KIF15: variants seen among roughly 807,000 people sequenced by gnomAD.
KIF15 encodes the protein kinesin-like protein KIF15.
In KIF15, 140 loss-of-function variants were observed where a neutral mutation model predicts 190.6. The ratio of observed to expected loss-of-function variants is 0.73; its 90% CI spans 0.64 to 0.84. KIF15 has a LOEUF of 0.84. Among genes scored for constraint, KIF15 ranks in the 40% least tolerant of loss-of-function variants. The pLI is 0.00. For synonymous variants in KIF15, 528 were observed against 551.3 expected (o/e 0.96, Z 0.59); for missense variants, 1,372 against 1,584.4 (o/e 0.87, Z 2.28).
chr3:44,840,186 A>T (rs1298830713), intron 27 of KIF15, among the ~76,000 whole-genome samples, 169 bp from the exon 28 acceptor site: 1 of 152,198 alleles, frequency 6.6e-6, no homozygotes, highest in Non-Finnish European at 1.5e-5. Flanking sequence ...CCAACACTTA[A>T]CTTTCATCTT....
At chr3:44,857,429 A>C (rs1018809001), downstream of KIF15, among the ~76,000 whole-genome samples, 1 of 152,216 alleles carries the variant, frequency 6.6e-6, no homozygotes, top group African/African-American at 2.4e-5. Flanking sequence ...AGTAAGGTCA[A>C]GTTGTTTGGA....
At chr3:44,840,878 T>C (rs1430069643) in intron 28 of KIF15, among the ~76,000 whole-genome samples, 196 bp from the exon 29 acceptor site, 1 of 152,052 alleles carries the variant, frequency 6.6e-6, no homozygotes, top group Non-Finnish European at 1.5e-5. Flanking sequence ...TTCACTGTGT[T>C]GCCTAGGCTG....
downstream of KIF15, chr3:44,853,321 A>G (rs1699126867): frequency 6.6e-6 from 1 of 152,236 alleles, no homozygotes; most frequent in South Asian, 2.1e-4. Context: ...CACCTGCAAT[A>G]TGCCAGGCAC....
rs1182846113 is a variant in KIF15 at position 44,831,003 on chromosome 3, TTC to T, written c.3158_3159del (p.Ser1053Ter). ...AAGAAACCCTTAGGCTGAGAATACT[TTC>T]TGAGGACATAGAGGTAGGTATTAAC... ...LKETLRLRIL[S>X]EDIERDMLCE... On this transcript the variant is annotated frameshift_variant, in exon 26 of 35. Transcript: ENST00000326047. LOFTEE classifies it high-confidence loss of function. 3.7e-6 allele frequency: 6 copies of T among 1,614,004 alleles called. No homozygotes were observed. Among genetic ancestry groups the T allele is most frequent in the Non-Finnish European group, 5.1e-6 (6 of 1,179,960 alleles).
intron 20 of KIF15, 33 bp from the exon 21 acceptor site, chr3:44,826,005 TA>T (rs1442246578): frequency 1.4e-5 from 22 of 1,531,548 alleles, no homozygotes. Flanking sequence ...ATTAAATGTT[TA>T]TTTACCATTT....
At chr3:44,842,265 A>G (rs546898216) in intron 29 of KIF15, among the ~76,000 whole-genome samples, 59 of 151,838 alleles carry the variant, frequency 3.9e-4, no homozygotes, top group African/African-American at 1.4e-3. Flanking sequence ...AAGCTTCCTC[A>G]TAGTGTTTTT....
chr3:44,792,590 A>G (rs1706765299), intron 7 of KIF15, among the ~76,000 whole-genome samples: 1 of 148,274 alleles, frequency 6.7e-6, no homozygotes, highest in South Asian at 2.1e-4. Flanking sequence ...TCTGTTGCCC[A>G]GGCTGGAGCG....
At chr3:44,795,628 G>A (rs1706939381) in intron 8 of KIF15, among the ~76,000 whole-genome samples, 1 of 152,082 alleles carries the variant, frequency 6.6e-6, no homozygotes, top group Non-Finnish European at 1.5e-5. Context: ...CTAGGCTAAG[G>A]TATCAACAGT....
downstream of KIF15, among the ~76,000 whole-genome samples, chr3:44,856,905 A>C (rs146228248): frequency 7.4e-4 from 112 of 152,250 alleles, no homozygotes; most frequent in Non-Finnish European, 7.8e-4. Context: ...CTTTTGCAAG[A>C]GTGAGGGCCT....
At chr3:44,800,078 G>C (rs1019288865) in intron 10 of KIF15, among the ~76,000 whole-genome samples, 2 of 152,130 alleles carry the variant, frequency 1.3e-5, no homozygotes, top group African/African-American at 4.8e-5. Context: ...TAGTCAGCTG[G>C]GGGGCAGAGA....
intron 1 of KIF15, 42 bp from the exon 2 acceptor site, chr3:44,774,353 A>C: frequency 1.3e-6 from 2 of 1,565,388 alleles, no homozygotes; most frequent in Non-Finnish European, 1.8e-6. Context: ...GGATTTCCAT[A>C]TTACAATTTA....
intron 3 of KIF15, among the ~76,000 whole-genome samples, chr3:44,776,355 G>A (rs1011837610): frequency 4.0e-5 from 6 of 150,124 alleles, no homozygotes; most frequent in African/African-American, 1.5e-4. Context: ...CCAGGAGTTT[G>A]AGGCTGCAGT....
At chr3:44,808,633 G>A (rs1575621679) in intron 16 of KIF15, among the ~76,000 whole-genome samples, 6 of 134,066 alleles carry the variant, frequency 4.5e-5, no homozygotes, top group Admixed American at 7.6e-5. Context: ...CATTCTTCAT[G>A]TGTTATTCCA....
At chr3:44,829,419 G>A (rs1697861617) in intron 24 of KIF15, among the ~76,000 whole-genome samples, 1 of 137,100 alleles carries the variant, frequency 7.3e-6, no homozygotes, top group South Asian at 2.2e-4. Context: ...TATTACATAT[G>A]TATATATAAT....
chr3:44,807,033 T>G (rs1707536980), intron 16 of KIF15, among the ~76,000 whole-genome samples: 1 of 151,990 alleles, frequency 6.6e-6, no homozygotes, highest in Admixed American at 6.6e-5. Context: ...CAAGAGCCAC[T>G]GCGCTGGCCT....
chr3:44,834,788 C>A (rs1432217537), intron 26 of KIF15, among the ~76,000 whole-genome samples: 2 of 151,238 alleles, frequency 1.3e-5, no homozygotes, highest in Non-Finnish European at 3.0e-5. Flanking sequence ...AAAAAATTAC[C>A]TGGGCGTGGT....
At chr3:44,798,570 A>AT (rs1008580659) in intron 10 of KIF15, among the ~76,000 whole-genome samples, 5 of 151,438 alleles carry the variant, frequency 3.3e-5, no homozygotes, top group Admixed American at 1.3e-4. Flanking sequence ...CTTGGCCTTA[A>AT]TTTTTTTATT....
downstream of KIF15, among the ~76,000 whole-genome samples, chr3:44,857,032 T>C (rs967584209): frequency 6.6e-6 from 1 of 152,130 alleles, no homozygotes. Context: ...GAGTGGCAAT[T>C]AGGCCTGGTG....
chr3:44,838,747 CAAAA>C (rs779928383), intron 27 of KIF15, among the ~76,000 whole-genome samples: 2 of 74,388 alleles, frequency 2.7e-5, no homozygotes, highest in East Asian at 4.4e-4. Context: ...GACCCTGTCT[CAAAA>C]AAAAAAAAAA....
Sources: allele counts gnomAD v4.1 joint callset (sites outside exome capture counted in the v4.1 genomes callset), GRCh38; gene constraint gnomAD v4.1.1; transcripts MANE v1.5; gene names NCBI Gene and HGNC (gene_info 2026-07-23, HGNC 2026-07-21).